Variants in ANXA10 observed in about 807,000 individuals in gnomAD.
ANXA10 encodes the protein annexin A10, also known as annexin 14.
A neutral mutation model predicts 53.5 loss-of-function variants in ANXA10; 49 were observed. The observed-to-expected ratio is 0.92, with a 90% CI of 0.73 to 1.16. The LOEUF (loss-of-function observed/expected upper bound fraction) is 1.16, where lower values mean the gene tolerates loss of function less well. ANXA10 is among the 50% of genes most tolerant of loss of function. The probability of loss-of-function intolerance (pLI) is 0.00; values close to 1 mark genes in which losing one functional copy is unlikely to be tolerated. For synonymous variants in ANXA10, 131 were observed against 128.9 expected (o/e 1.02, Z -0.11); for missense variants, 393 against 394.4 (o/e 1.00, Z 0.03).
chr4:168,171,329 G>A (rs1234823715), intron 6 of ANXA10, among the ~76,000 whole-genome samples: 1 of 152,018 alleles, frequency 6.6e-6, no homozygotes, highest in Non-Finnish European at 1.5e-5. Flanking sequence ...ATGAGATTCA[G>A]GTTTTTACTC....
chr4:168,181,966 G>A (rs1732257437), intron 10 of ANXA10, among the ~76,000 whole-genome samples: 1 of 152,168 alleles, frequency 6.6e-6, no homozygotes, highest in African/African-American at 2.4e-5. Flanking sequence ...CATATTTGGG[G>A]TGTATCTCCC....
At chr4:168,153,438 A>C (rs1302592896) in intron 3 of ANXA10, among the ~76,000 whole-genome samples, 50 of 52,704 alleles carry the variant, frequency 9.5e-4, no homozygotes, top group Non-Finnish European at 1.7e-3. Context: ...AAAAAAAAAA[A>C]AAACAAAAAC....
chr4:168,113,249 C>G (rs142448491), intron 1 of ANXA10: 1 of 152,846 alleles, frequency 6.5e-6, no homozygotes, highest in African/African-American at 2.4e-5. Flanking sequence ...GCTGGAAAGT[C>G]CAAGATCAAG....
At chr4:168,098,637 C>A (rs879302566) in intron 1 of ANXA10, among the ~76,000 whole-genome samples, 14 of 152,074 alleles carry the variant, frequency 9.2e-5, no homozygotes, top group Non-Finnish European at 1.8e-4. Flanking sequence ...TTTGGACATG[C>A]ATTTGTTATC....
At chr4:168,096,926 A>ATATATGTATATATATATATATATATATG (rs371811709) in intron 1 of ANXA10, among the ~76,000 whole-genome samples, 25,823 of 128,298 alleles carry the variant, frequency 0.2, 2,989 homozygotes, top group South Asian at 0.26. Context: ...ATATATATAT[A>ATATATGTATATATATATATATATATATG]TATGTATGTA....
At chr4:168,155,522 TA>T (rs1731602632) in intron 3 of ANXA10, among the ~76,000 whole-genome samples, 1 of 21,702 alleles carries the variant, frequency 4.6e-5, no homozygotes, top group African/African-American at 2.6e-4. Flanking sequence ...AATATATAAT[TA>T]TATAATATAT....
intron 6 of ANXA10, among the ~76,000 whole-genome samples, chr4:168,177,105 A>C (rs559444967): frequency 6.6e-6 from 1 of 152,288 alleles, no homozygotes; most frequent in Middle Eastern, 3.4e-3. Flanking sequence ...CCCAAAAGAA[A>C]CAGTTAATTA....
intron 6 of ANXA10, among the ~76,000 whole-genome samples, chr4:168,177,243 C>T (rs1732147977): frequency 6.6e-6 from 1 of 152,148 alleles, no homozygotes; most frequent in African/African-American, 2.4e-5. Flanking sequence ...CATGTCTGTT[C>T]TCTAAATGAT....
intron 2 of ANXA10, among the ~76,000 whole-genome samples, chr4:168,135,192 G>C (rs1731216996): frequency 6.6e-6 from 1 of 152,186 alleles, no homozygotes; most frequent in Non-Finnish European, 1.5e-5. Flanking sequence ...AGAACTAAAG[G>C]ATGTTGGGCA....
chr4:168,098,716 A>G (rs10517976), intron 1 of ANXA10, among the ~76,000 whole-genome samples: 74,802 of 151,790 alleles, frequency 0.49, 19,360 homozygotes, highest in Non-Finnish European at 0.58. Flanking sequence ...TACACCACAC[A>G]GTTATGAATA....
intron 1 of ANXA10, among the ~76,000 whole-genome samples, chr4:168,093,842 T>G (rs1375315903): frequency 6.6e-6 from 1 of 152,200 alleles, no homozygotes; most frequent in East Asian, 1.9e-4. Context: ...GAATTAGGAC[T>G]TAAAAGGCAG....
At chr4:168,094,521 A>C (rs1234160414) in intron 1 of ANXA10, among the ~76,000 whole-genome samples, 1 of 152,160 alleles carries the variant, frequency 6.6e-6, no homozygotes, top group Non-Finnish European at 1.5e-5. Flanking sequence ...GTTCTCAAGC[A>C]AGAGACTGGC....
chr4:168,117,777 G>C (rs1730916917), intron 1 of ANXA10, among the ~76,000 whole-genome samples: 1 of 152,096 alleles, frequency 6.6e-6, no homozygotes, highest in South Asian at 2.1e-4. Flanking sequence ...AACAAGATAA[G>C]TGTTTACCAA....
chr4:168,115,710 G>A (rs563853490), intron 1 of ANXA10, among the ~76,000 whole-genome samples: 6 of 152,242 alleles, frequency 3.9e-5, no homozygotes, highest in Middle Eastern at 3.4e-3. Context: ...TAATGGAAAG[G>A]GCACTAACCG....
chr4:168,159,073 C>A (rs796165710), intron 3 of ANXA10, among the ~76,000 whole-genome samples: 3 of 152,286 alleles, frequency 2.0e-5, no homozygotes, highest in African/African-American at 7.2e-5. Context: ...GACAATTAAA[C>A]CTCTTTGTAA....
At chr4:168,121,329 G>A (rs1043214274) in intron 1 of ANXA10, among the ~76,000 whole-genome samples, 17 of 152,086 alleles carry the variant, frequency 1.1e-4, no homozygotes, top group African/African-American at 3.4e-4. Context: ...ATGATACAAT[G>A]TATCATCTTC....
chr4:168,108,441 G>T (rs985016354), intron 1 of ANXA10, among the ~76,000 whole-genome samples: 6 of 152,066 alleles, frequency 3.9e-5, no homozygotes, highest in Admixed American at 3.9e-4. Context: ...ATACACTATG[G>T]CCTTCAAAGA....
intron 6 of ANXA10, among the ~76,000 whole-genome samples, chr4:168,169,194 T>C (rs911090389): frequency 6.6e-6 from 1 of 152,214 alleles, no homozygotes; most frequent in Non-Finnish European, 1.5e-5. Context: ...ATTGACAAGA[T>C]GCCAATTGAA....
intron 3 of ANXA10, among the ~76,000 whole-genome samples, chr4:168,151,315 A>G (rs1336821030): frequency 6.6e-6 from 1 of 152,212 alleles, no homozygotes; most frequent in African/African-American, 2.4e-5. Context: ...TCAGACAAGA[A>G]AGATGTTAGT....
Sources: gnomAD v4.1 joint callset for allele counts (sites outside exome capture counted in the v4.1 genomes callset) on GRCh38, gnomAD v4.1.1 for gene constraint, MANE v1.5 for transcripts, NCBI Gene and HGNC (gene_info 2026-07-23, HGNC 2026-07-21) for gene names.